Variants in DCTN3 observed in about 807,000 individuals in gnomAD.
DCTN3 encodes dynactin subunit 3.
Under a neutral mutation model 28.4 loss-of-function variants are expected in DCTN3, and 25 were observed. That is an observed-to-expected ratio of 0.88 (90% CI 0.64 to 1.23). The LOEUF is 1.23. Among genes scored for constraint, DCTN3 ranks in the 50% most tolerant of loss-of-function variants. The pLI is 0.00. For missense variants in DCTN3, 229 were observed against 232.0 expected (o/e 0.99, Z 0.08); for synonymous variants, 81 against 91.4 (o/e 0.89, Z 0.65).
intron 5 of DCTN3, chr9:34,614,327 T>G (rs929867032): frequency 4.4e-6 from 4 of 899,232 alleles, no homozygotes; most frequent in African/African-American, 3.4e-5. Context: ...ATACATTAAG[T>G]AAACATTCCC....
chr9:34,614,102 C>G lies in DCTN3; in HGVS notation c.412-1G>C. 2 of 1,614,130 alleles carry G rather than the reference C, an allele frequency of 1.2e-6. No individual in the cohort carries two copies. Among genetic ancestry groups the G allele is most frequent in the Non-Finnish European group, 1.7e-6 (2 of 1,179,950 alleles). On this transcript the variant is annotated splice_acceptor_variant, in intron 5 of 6. Coordinates refer to ENST00000259632, the MANE Select transcript of DCTN3 (RefSeq NM_007234.5). LOFTEE classifies it high-confidence loss of function. Reference sequence around the variant, plus strand: ...CCTCAGTGATTTCCACACACTGGTCCTGTAGGGCCAAAGTGTAGCACAGAA... The same window carrying G: ...CCTCAGTGATTTCCACACACTGGTCGTGTAGGGCCAAAGTGTAGCACAGAA...
chr9:34,617,053 G>A (rs963957024), intron 3 of DCTN3, among the ~76,000 whole-genome samples: 1 of 152,184 alleles, frequency 6.6e-6, no homozygotes, highest in Non-Finnish European at 1.5e-5. Flanking sequence ...GGGATGGAGA[G>A]GCTGGACTCA....
At chr9:34,614,623 C>T in intron 5 of DCTN3, 87 bp downstream of exon 5, 1 of 1,487,820 alleles carries the variant, frequency 6.7e-7, no homozygotes, top group Non-Finnish European at 9.3e-7. Flanking sequence ...AACAGAAAGG[C>T]CTGAAGCTGC....
intron 3 of DCTN3, chr9:34,617,637 T>C (rs1416836205): frequency 7.0e-6 from 10 of 1,425,204 alleles, no homozygotes; most frequent in African/African-American, 2.9e-5. Context: ...AGGCAAACTA[T>C]TGATAGAACA....
At chr9:34,618,881 C>T (rs1222283237) in intron 1 of DCTN3, 121 bp from the exon 2 acceptor site, 13 of 751,234 alleles carry the variant, frequency 1.7e-5, no homozygotes, top group Non-Finnish European at 2.8e-5. Flanking sequence ...GGTTGGCCTC[C>T]CTTCTCTAAT....
chr9:34,620,454 A>T lies in DCTN3; in HGVS notation c.11T>A (p.Leu4Gln), dbSNP rs1027421552. MAG[L>Q]TDLQRLQARV... The stretch of plus-strand genomic sequence containing the variant: ...GGCCTGTAGCCGCTGCAAGTCAGTC[A>T]GACCCGCCATCGCTACTACCGACCC... Residue 4 changes from leucine to glutamine, a missense_variant, in exon 1 of 7, where the codon CTG (leucine) becomes CAG (glutamine). By Grantham distance (113) the Leu-to-Gln change is moderately radical. Transcript: ENST00000259632. The T allele has an allele frequency of 6.4e-7, 1 of 1,551,892 alleles. No homozygotes were observed. The highest frequency in any genetic ancestry group is 1.4e-5 in the African/African-American group (1 of 73,264).
chr9:34,615,866 A>AAGAT, intron 4 of DCTN3, 164 bp downstream of exon 4: 1 of 514,212 alleles, frequency 1.9e-6, no homozygotes, highest in East Asian at 3.3e-5. Context: ...ATGCCACTGC[A>AAGAT]CTCCAGCCTG....
At chr9:34,614,648 T>C (rs776790598) in intron 5 of DCTN3, 62 bp downstream of exon 5, 1 of 1,587,924 alleles carries the variant, frequency 6.3e-7, no homozygotes. Flanking sequence ...CCAGGTGGCA[T>C]GAGTTGGGAT....
At chr9:34,617,721 T>C (rs929369831) in intron 3 of DCTN3, 164 bp downstream of exon 3, 1 of 1,512,624 alleles carries the variant, frequency 6.6e-7, no homozygotes, top group Non-Finnish European at 8.9e-7. Context: ...CAATGTCTAC[T>C]AGAGGATCCA....
chr9:34,617,739 C>T (rs1201692471), intron 3 of DCTN3, 146 bp downstream of exon 3: 1 of 1,523,362 alleles, frequency 6.6e-7, no homozygotes, highest in Admixed American at 2.0e-5. Context: ...CCATAGGATC[C>T]TCAACCCAGA....
chr9:34,619,712 A>G (rs1193071226), intron 1 of DCTN3, among the ~76,000 whole-genome samples: 1 of 152,244 alleles, frequency 6.6e-6, no homozygotes, highest in East Asian at 1.9e-4. Flanking sequence ...ACAAACAGAC[A>G]TCATTACCTT....
intron 4 of DCTN3, 120 bp from the exon 5 acceptor site, chr9:34,614,888 A>G (rs751978603): frequency 2.5e-6 from 3 of 1,183,526 alleles, no homozygotes; most frequent in Non-Finnish European, 3.6e-6. Flanking sequence ...CAAACGCCAG[A>G]CTTCATCGAC....
chr9:34,614,319 ACATT>A (rs1276370508), intron 5 of DCTN3: 2 of 1,004,790 alleles, frequency 2.0e-6, no homozygotes, highest in Non-Finnish European at 2.9e-6. Context: ...GAGTGGCCAT[ACATT>A]AAGTAAACAT....
rs765619518 is a variant in DCTN3, at chr9:34,613,838, C to T, written c.505G>A (p.Asp169Asn). 3 of 1,614,054 alleles carry T rather than the reference C, an allele frequency of 1.9e-6. No homozygotes were observed. ...GCCTCTAGCTGGCAAAGTAGCTCAT[C>T]CCACTGCACGAATTGCTTGGAGAGA... ...MLLSKQFVQW[D>N]ELLCQLEAAT... The change falls in exon 7 of 7, where the codon GAT (aspartate) becomes AAT (asparagine). Residue 169 changes from aspartate to asparagine, a missense_variant. By Grantham distance (23) the Asp-to-Asn change is conservative. Transcript: ENST00000259632.
At chr9:34,618,544 T>C in intron 2 of DCTN3, 132 bp downstream of exon 2, 1 of 718,032 alleles carries the variant, frequency 1.4e-6, no homozygotes, top group Non-Finnish European at 2.5e-6. Flanking sequence ...TGGGTGTAGG[T>C]AAATGTCCTC....
Position 34,613,668 on chromosome 9 carries a change from G to A in DCTN3, c.*114C>T. 2.8e-6 allele frequency: 4 copies of A among 1,415,514 alleles called. No individual in the cohort carries two copies. The highest frequency in any genetic ancestry group is 3.8e-6 in the Non-Finnish European group (4 of 1,050,132). 87.7% of individuals were successfully genotyped at this position (1,415,514 alleles called of 1,614,324 possible). ...AACTTTAGAGCCCAGAGTACAGAGA[G>A]GTGGGCCTTGAAGCCAATAAATACA... On this transcript the variant is annotated 3_prime_UTR_variant, in exon 7 of 7. Coordinates refer to ENST00000259632, the MANE Select transcript of DCTN3 (RefSeq NM_007234.5).
intron 5 of DCTN3, chr9:34,614,370 C>A: frequency 1.4e-6 from 1 of 715,270 alleles, no homozygotes; most frequent in Non-Finnish European, 2.2e-6. Flanking sequence ...GTCCTTATTT[C>A]TGAACTCTCT....
At chr9:34,618,795 C>A in intron 1 of DCTN3, 35 bp from the exon 2 acceptor site, 1 of 1,533,088 alleles carries the variant, frequency 6.5e-7, no homozygotes, top group Non-Finnish European at 9.0e-7. Flanking sequence ...CCAAGATATA[C>A]TACCTGGCTC....
At position 34,613,846 on chromosome 9, in the gene DCTN3, A is replaced by G; in HGVS notation, c.497T>C (p.Val166Ala). 1.2e-6 allele frequency: 2 copies of G among 1,614,188 alleles called. No individual in the cohort carries two copies. The highest frequency in any genetic ancestry group is 1.7e-6 in the Non-Finnish European group (2 of 1,180,022). Reference protein sequence around the residue: ...KTTMLLSKQFVQWDELLCQLE... With the variant: ...KTTMLLSKQFAQWDELLCQLE... ...CTGGCAAAGTAGCTCATCCCACTGC[A>G]CGAATTGCTTGGAGAGAAGCATTGT... Residue 166 changes from valine to alanine, a missense_variant, in exon 7 of 7, where the codon GTG (valine) becomes GCG (alanine). Val to Ala is a moderately conservative substitution (Grantham distance 64). Coordinates refer to ENST00000259632, the MANE Select transcript of DCTN3 (RefSeq NM_007234.5).
Sources: allele counts gnomAD v4.1 joint callset (sites outside exome capture counted in the v4.1 genomes callset), GRCh38; gene constraint gnomAD v4.1.1; transcripts MANE v1.5; gene names NCBI Gene and HGNC (gene_info 2026-07-23, HGNC 2026-07-21).